The following ANKH variants were observed in gnomAD, a reference collection of about 807,000 sequenced individuals.
The protein encoded by ANKH is ANKH inorganic pyrophosphate transport regulator.
In ANKH, 15 loss-of-function variants were observed where a neutral mutation model predicts 49.0. The observed-to-expected ratio is 0.31, with a 90% CI of 0.20 to 0.47. The LOEUF is 0.47. ANKH is among the 20% of genes least tolerant of loss of function. The pLI is 1.00. For missense variants in ANKH, 429 were observed against 652.0 expected, an observed-to-expected ratio of 0.66 and a Z score of 3.72; for synonymous variants, 273 against 260.0, an observed-to-expected ratio of 1.05 and a Z score of -0.48.
intron 4 of ANKH, 135 bp from the exon 5 acceptor site, chr5:14,751,374 A>G (rs1055780931): frequency 5.3e-5 from 45 of 851,264 alleles, no homozygotes; most frequent in Non-Finnish European, 2.7e-5. Flanking sequence ...AGAACCAAAA[A>G]TTGGATGATG....
chr5:14,843,977 G>A (rs1179707182), intron 1 of ANKH, among the ~76,000 whole-genome samples: 4 of 152,040 alleles, frequency 2.6e-5, no homozygotes, highest in Non-Finnish European at 4.4e-5. Context: ...TCTCTTCCTC[G>A]AAGGAGAGAG....
chr5:14,861,207 A>G (rs1218139973), intron 1 of ANKH, among the ~76,000 whole-genome samples: 4 of 152,216 alleles, frequency 2.6e-5, no homozygotes, highest in African/African-American at 4.8e-5. Flanking sequence ...AGGATGACTG[A>G]ACCTCCAAGA....
At chr5:14,787,424 A>T (rs180906178) in intron 1 of ANKH, among the ~76,000 whole-genome samples, 115 of 152,302 alleles carry the variant, frequency 7.6e-4, no homozygotes, top group Middle Eastern at 3.4e-3. Context: ...AAAAGACCCT[A>T]AAAAATGTGT....
chr5:14,760,507 G>C (rs998752746), intron 2 of ANKH, among the ~76,000 whole-genome samples: 10 of 152,208 alleles, frequency 6.6e-5, no homozygotes, highest in African/African-American at 2.4e-4. Flanking sequence ...CCGAACTGTG[G>C]AAATTTTGTT....
chr5:14,809,354 A>AAAAAAAG (rs1561065397), intron 1 of ANKH, among the ~76,000 whole-genome samples: 89 of 130,178 alleles, frequency 6.8e-4, no homozygotes, highest in East Asian at 3.6e-3. Flanking sequence ...AAAAAAAAAA[A>AAAAAAAG]AAAGAAAAAA....
At chr5:14,711,567 C>T (rs868664940) in intron 11 of ANKH, among the ~76,000 whole-genome samples, 1 of 152,202 alleles carries the variant, frequency 6.6e-6, no homozygotes, top group Admixed American at 6.5e-5. Context: ...ACTGCCCCGC[C>T]CCAGACAACC....
chr5:14,733,835 G>A (rs999541949), intron 8 of ANKH, among the ~76,000 whole-genome samples: 4 of 152,244 alleles, frequency 2.6e-5, no homozygotes, highest in Admixed American at 2.0e-4. Flanking sequence ...GGCCAGAGGC[G>A]CCACATCTTT....
chr5:14,736,006 CTTTT>C (rs540010631), intron 8 of ANKH, among the ~76,000 whole-genome samples: 12 of 83,658 alleles, frequency 1.4e-4, no homozygotes, highest in East Asian at 4.2e-4. Flanking sequence ...AAAAACCTAA[CTTTT>C]TTTTTTTTTT....
chr5:14,734,515 T>C (rs1253981031), intron 8 of ANKH, among the ~76,000 whole-genome samples: 1 of 152,226 alleles, frequency 6.6e-6, no homozygotes, highest in South Asian at 2.1e-4. Flanking sequence ...TGAAACCTTA[T>C]AACACTATGA....
chr5:14,779,298 T>A (rs1348444829), intron 1 of ANKH, among the ~76,000 whole-genome samples: 1 of 152,138 alleles, frequency 6.6e-6, no homozygotes, highest in East Asian at 1.9e-4. Flanking sequence ...TTGACTGGCC[T>A]TCCCATCAAT....
chr5:14,712,085 C>T lies in ANKH; in HGVS notation c.1366-775G>A, dbSNP rs185247887. Among the ~76,000 whole-genome samples the T allele has an allele frequency of 1.5e-4, 23 of 152,332 alleles. No homozygotes were observed. In the East Asian group the frequency reaches 2.9e-3, roughly 19 times the overall value. ...TCATTTCCCTACCCTGCTTTTCTTT[C>T]ATTATATTTGCCAGGCAAAGCCCCA... On this transcript the variant is annotated intron_variant, in intron 11 of 11. Coordinates refer to ENST00000284268, the MANE Select transcript of ANKH (RefSeq NM_054027.6).
chr5:14,791,549 A>G (rs1403323994), intron 1 of ANKH, among the ~76,000 whole-genome samples: 1 of 152,112 alleles, frequency 6.6e-6, no homozygotes, highest in Non-Finnish European at 1.5e-5. Context: ...AAATGCATAA[A>G]AATTGGTTTT....
intron 1 of ANKH, among the ~76,000 whole-genome samples, chr5:14,775,081 G>T (rs1293107845): frequency 1.3e-5 from 2 of 151,266 alleles, no homozygotes; most frequent in African/African-American, 4.9e-5. Flanking sequence ...TTTTGAGATG[G>T]GGTCTTCCTC....
chr5:14,750,833 T>G (rs889339695), intron 5 of ANKH, among the ~76,000 whole-genome samples: 2 of 152,176 alleles, frequency 1.3e-5, no homozygotes, highest in South Asian at 2.1e-4. Context: ...TGCCTCTGTC[T>G]CCTCCTATGG....
chr5:14,820,402 T>C (rs776792421), intron 1 of ANKH, among the ~76,000 whole-genome samples: 1 of 152,152 alleles, frequency 6.6e-6, no homozygotes. Context: ...GAAGACTTTA[T>C]TTGGGACTAT....
At chr5:14,811,563 A>G (rs1428209629) in intron 1 of ANKH, among the ~76,000 whole-genome samples, 1 of 152,232 alleles carries the variant, frequency 6.6e-6, no homozygotes, top group African/African-American at 2.4e-5. Context: ...CCAAGTACAA[A>G]CAACCTTGTG....
rs573115795 is a variant in ANKH at position 14,827,254 on chromosome 5, T to C, written c.96+44098A>G. 4.3e-4 allele frequency among the ~76,000 whole-genome samples: 65 copies of C among 152,334 alleles called. 1 individual carries two copies. In the South Asian group the frequency reaches 0.013, roughly 32 times the overall value. Reference sequence around the variant, plus strand: ...TGCTCTAAGTACTGCATATACATCTTAGCTCTTTTAATTTTCTCAACAATC... The same window carrying C: ...TGCTCTAAGTACTGCATATACATCTCAGCTCTTTTAATTTTCTCAACAATC... On this transcript the variant is annotated intron_variant, in intron 1 of 11. Transcript: ENST00000284268.
At chr5:14,858,757 AT>A (rs1554010935) in intron 1 of ANKH, among the ~76,000 whole-genome samples, 38 of 62,692 alleles carry the variant, frequency 6.1e-4, no homozygotes, top group South Asian at 3.2e-3. Flanking sequence ...AAATAAATAA[AT>A]AAAATAAAAT....
In ANKH at chr5:14,871,463, C is replaced by T. The variant is rs777580162; in HGVS notation, c.-16G>A. 18 of 1,605,558 alleles carry T rather than the reference C, an allele frequency of 1.1e-5. No homozygotes were observed. Among genetic ancestry groups the T allele is most frequent in the Non-Finnish European group, 1.4e-5 (17 of 1,174,168 alleles). On this transcript the variant is annotated 5_prime_UTR_variant, in exon 1 of 12. Transcript: ENST00000284268. ...ATTTCACCATAGTCCCCGCCGTGGG[C>T]TGACCCCACACACATCTGCTGCCGC...
Sources: gnomAD v4.1 joint callset for allele counts (sites outside exome capture counted in the v4.1 genomes callset) on GRCh38, gnomAD v4.1.1 for gene constraint, MANE v1.5 for transcripts, NCBI Gene and HGNC (gene_info 2026-07-23, HGNC 2026-07-21) for gene names.